DIP2C: variants seen among roughly 807,000 people sequenced by gnomAD.
DIP2C encodes disco-interacting protein 2 homolog C.
DIP2C carries 33 observed loss-of-function variants against 192.4 expected under a neutral mutation model. That is an observed-to-expected ratio of 0.17 (90% CI 0.13 to 0.23). The LOEUF (loss-of-function observed/expected upper bound fraction) is 0.23, where lower values mean the gene tolerates loss of function less well. DIP2C is among the 10% of genes least tolerant of loss of function. The pLI is 1.00. For missense variants in DIP2C, 1,537 were observed against 2,110.1 expected, an observed-to-expected ratio of 0.73 and a Z score of 5.32; for synonymous variants, 979 against 864.1, an observed-to-expected ratio of 1.13 and a Z score of -2.33.
In DIP2C at chr10:486,393, T is replaced by C; in HGVS notation, c.157+66A>G. On this transcript the variant is annotated intron_variant, in intron 2 of 36. Coordinates refer to ENST00000280886, the MANE Select transcript of DIP2C (RefSeq NM_014974.3). ...AAGCAAGGGAGCGTCTGCCTCCAGA[T>C]GTTTCTCTGGCACATAGTGAATGCG... 2.8e-6 allele frequency: 4 copies of C among 1,431,010 alleles called. No individual in the cohort carries two copies. The South Asian group carries it at 5.8e-5, about 21-fold the overall frequency. The allele number at this position is 1,431,010 out of a possible 1,614,324, so 88.6% of individuals were successfully genotyped here. A position where few individuals can be genotyped will look rare whatever the true frequency, so the allele number is the denominator to read the frequency against.
At chr10:378,266 A>G (rs894295168) in intron 17 of DIP2C, among the ~76,000 whole-genome samples, 2 of 152,282 alleles carry the variant, frequency 1.3e-5, no homozygotes, top group Non-Finnish European at 2.9e-5. Context: ...TCACGTAGCA[A>G]GACTGAGCAG....
chr10:447,848 G>A lies in DIP2C; in HGVS notation c.269-6852C>T, dbSNP rs1399735495. ...CGATACTCAGGATCACACACAGTGC[G>A]GCAGCAGGACCCACTCATTCCCATT... On this transcript the variant is annotated intron_variant, in intron 3 of 36. Coordinates refer to ENST00000280886, the MANE Select transcript of DIP2C (RefSeq NM_014974.3). 1.1e-4 allele frequency among the ~76,000 whole-genome samples: 14 copies of A among 122,896 alleles called. 1 individual carries two copies. Among genetic ancestry groups the A allele is most frequent in the African/African-American group, 4.3e-4 (9 of 21,166 alleles). The allele number at this position is 122,896 out of a possible 152,430, so 80.6% of individuals were successfully genotyped here.
chr10:503,000 T>A (rs538494046), intron 1 of DIP2C, among the ~76,000 whole-genome samples: 2 of 151,448 alleles, frequency 1.3e-5, no homozygotes, highest in Non-Finnish European at 2.9e-5. Context: ...ACCTGCAGAC[T>A]TATTACAATT....
chr10:626,142 A>T (rs1854186654), intron 1 of DIP2C, among the ~76,000 whole-genome samples: 1 of 152,236 alleles, frequency 6.6e-6, no homozygotes, highest in African/African-American at 2.4e-5. Flanking sequence ...ACGAGGGCTG[A>T]CACTAACGAG....
At chr10:602,234 C>T (rs1361496765) in intron 1 of DIP2C, among the ~76,000 whole-genome samples, 1 of 152,198 alleles carries the variant, frequency 6.6e-6, no homozygotes, top group Non-Finnish European at 1.5e-5. Context: ...GTTCCTCCTG[C>T]TGATTCTGAT....
Position 642,478 on chromosome 10 carries a change from C to A in DIP2C, c.85+47016G>T, listed in dbSNP as rs189909232. Among the ~76,000 whole-genome samples the A allele has an allele frequency of 4.6e-5, 7 of 152,258 alleles. No individual in the cohort carries two copies. The East Asian group carries it at 5.8e-4, about 13-fold the overall frequency. On this transcript the variant is annotated intron_variant, in intron 1 of 36. Coordinates refer to ENST00000280886, the MANE Select transcript of DIP2C (RefSeq NM_014974.3). ...AGCAAGTGTCCAGGCACCAGGCCAC[C>A]AGGTGTCTATTTAAATGCAAACCAA... is the stretch of plus-strand genomic sequence containing the variant.
In DIP2C at chr10:662,593, G is replaced by A. The variant is rs188234365; in HGVS notation, c.85+26901C>T. Among the ~76,000 whole-genome samples, 416 of 152,354 alleles carry A rather than the reference G, an allele frequency of 2.7e-3. 2 individuals are homozygous for A. Among genetic ancestry groups the A allele is most frequent in the African/African-American group, 9.5e-3 (394 of 41,582 alleles). On this transcript the variant is annotated intron_variant, in intron 1 of 36. Transcript: ENST00000280886. ...AATAAAATATGACTCCAAAGAGAGA[G>A]TAATTGATTGGATAAAAACTAAGAT...
intron 1 of DIP2C, among the ~76,000 whole-genome samples, chr10:569,933 A>G (rs567444204): frequency 3.0e-4 from 45 of 152,314 alleles, no homozygotes; most frequent in South Asian, 6.2e-4. Context: ...CCAGAAATCT[A>G]CAGTGCTTCT....
intron 1 of DIP2C, among the ~76,000 whole-genome samples, chr10:510,131 G>A (rs950297551): frequency 2.0e-5 from 3 of 152,174 alleles, no homozygotes; most frequent in East Asian, 1.9e-4. Flanking sequence ...CGTACAACAC[G>A]CATGACCACT....
rs1444839296 is a variant in DIP2C at position 465,373 on chromosome 10, T to C, written c.268+7066A>G. Reference sequence around the variant, plus strand: ...TAAAAACTCTCAATAAATTAGGTATTGATGGGACATATTTCAAAATAATAA... The same window carrying C: ...TAAAAACTCTCAATAAATTAGGTATCGATGGGACATATTTCAAAATAATAA... On this transcript the variant is annotated intron_variant, in intron 3 of 36. Transcript: ENST00000280886. 5.9e-3 allele frequency among the ~76,000 whole-genome samples: 884 copies of C among 149,690 alleles called. 11 individuals carry two copies. Among genetic ancestry groups the C allele is most frequent in the African/African-American group, 0.021 (838 of 40,644 alleles).
chr10:579,551 A>C (rs934992565), intron 1 of DIP2C, among the ~76,000 whole-genome samples: 6 of 151,968 alleles, frequency 3.9e-5, no homozygotes, highest in African/African-American at 1.5e-4. Flanking sequence ...TAAAGTGTAC[A>C]TACATAGGTA....
At chr10:529,041 G>T (rs756919445) in intron 1 of DIP2C, among the ~76,000 whole-genome samples, 4 of 152,202 alleles carry the variant, frequency 2.6e-5, no homozygotes, top group African/African-American at 9.7e-5. Flanking sequence ...CTGTGAGGAC[G>T]GCGCTGCCGG....
chr10:305,280 TCA>T (rs1444961692), intron 32 of DIP2C, among the ~76,000 whole-genome samples: 8 of 152,110 alleles, frequency 5.3e-5, no homozygotes, highest in African/African-American at 1.4e-4. Context: ...CAGACACTAT[TCA>T]CACACTTGCA....
chr10:597,263 C>A (rs1851765382), intron 1 of DIP2C, among the ~76,000 whole-genome samples: 1 of 152,224 alleles, frequency 6.6e-6, no homozygotes, highest in South Asian at 2.1e-4. Flanking sequence ...GCCTTTGAGC[C>A]ACACCCTCCC....
At chr10:539,069 T>C (rs1274253056) in intron 1 of DIP2C, among the ~76,000 whole-genome samples, 1 of 152,202 alleles carries the variant, frequency 6.6e-6, no homozygotes, top group East Asian at 1.9e-4. Flanking sequence ...GTTCACGTCA[T>C]TCCGTGCGTT....
At chr10:507,350 C>A (rs1213097691) in intron 1 of DIP2C, among the ~76,000 whole-genome samples, 1 of 151,014 alleles carries the variant, frequency 6.6e-6, no homozygotes, top group East Asian at 1.9e-4. Context: ...ACCTGGTCAC[C>A]CGCTGTGTCC....
At chr10:556,075 A>C (rs1301239963) in intron 1 of DIP2C, among the ~76,000 whole-genome samples, 1 of 135,902 alleles carries the variant, frequency 7.4e-6, no homozygotes, top group African/African-American at 3.0e-5. Context: ...ATCCCAGGAC[A>C]GCACCCACCC....
intron 1 of DIP2C, among the ~76,000 whole-genome samples, chr10:518,128 C>G (rs1303644758): frequency 2.0e-5 from 3 of 152,222 alleles, no homozygotes; most frequent in Non-Finnish European, 4.4e-5. Context: ...GGTCTCTGCA[C>G]AGTCACAGGC....
intron 1 of DIP2C, among the ~76,000 whole-genome samples, chr10:503,050 C>G (rs932731519): frequency 3.3e-5 from 5 of 151,870 alleles, no homozygotes; most frequent in South Asian, 2.1e-4. Flanking sequence ...TGCGGACTTA[C>G]CACAATTCCA....
Sources: gnomAD v4.1 joint callset for allele counts (sites outside exome capture counted in the v4.1 genomes callset) on GRCh38, gnomAD v4.1.1 for gene constraint, MANE v1.5 for transcripts, NCBI Gene and HGNC (gene_info 2026-07-23, HGNC 2026-07-21) for gene names.